Variants in UNC13C observed in about 807,000 individuals in gnomAD.
The protein encoded by UNC13C is unc-13 homolog C, also known as protein unc-13 homolog C.
UNC13C carries 174 observed loss-of-function variants against 245.4 expected under a neutral mutation model. That is an observed-to-expected ratio of 0.71 (90% CI 0.63 to 0.80). The LOEUF is 0.80. Among genes scored for constraint, UNC13C ranks in the 30% least tolerant of loss-of-function variants. UNC13C has a pLI of 0.00. For missense variants in UNC13C, 2,829 were observed against 2,602.9 expected, an observed-to-expected ratio of 1.09 and a Z score of -1.89; for synonymous variants, 992 against 895.1, an observed-to-expected ratio of 1.11 and a Z score of -1.93.
the UNC13C span, among the ~76,000 whole-genome samples, chr15:53,924,656 T>C: frequency 6.6e-6 from 1 of 152,206 alleles, no homozygotes; most frequent in Non-Finnish European, 1.5e-5. Flanking sequence ...AAAATTACAG[T>C]GACTTGATAT....
intron 2 of UNC13C, among the ~76,000 whole-genome samples, chr15:54,122,514 T>C (rs1236337815): frequency 6.6e-6 from 1 of 152,050 alleles, no homozygotes; most frequent in Non-Finnish European, 1.5e-5. Flanking sequence ...AACGCATCCA[T>C]TGTATGTGTG....
chr15:54,341,473 T>C (rs1435379184), intron 17 of UNC13C, among the ~76,000 whole-genome samples: 4 of 152,300 alleles, frequency 2.6e-5, no homozygotes, highest in South Asian at 2.1e-4. Flanking sequence ...TTGGGTCCTA[T>C]GTTCAGTACC....
At chr15:53,999,161 T>C (rs1166949576) in intron 1 of UNC13C, among the ~76,000 whole-genome samples, 1 of 151,978 alleles carries the variant, frequency 6.6e-6, no homozygotes. Flanking sequence ...AGAGTTTGTT[T>C]CAAATTAACA....
At chr15:54,202,742 T>A (rs2034562899) in intron 4 of UNC13C, among the ~76,000 whole-genome samples, 1 of 151,970 alleles carries the variant, frequency 6.6e-6, no homozygotes, top group South Asian at 2.1e-4. Context: ...AAAGCCCTTC[T>A]AGACATTAGC....
chr15:54,180,265 C>G (rs2033753923), intron 4 of UNC13C, among the ~76,000 whole-genome samples: 1 of 152,046 alleles, frequency 6.6e-6, no homozygotes, highest in African/African-American at 2.4e-5. Context: ...ATTTTGTTCT[C>G]TATTCCTGGA....
At chr15:54,109,862 A>G (rs979879260) in intron 2 of UNC13C, among the ~76,000 whole-genome samples, 4 of 151,958 alleles carry the variant, frequency 2.6e-5, no homozygotes, top group African/African-American at 9.7e-5. Context: ...CTCTGTGACA[A>G]CCTTTTCTCC....
chr15:53,848,034 G>A, the UNC13C span, among the ~76,000 whole-genome samples: 4 of 152,100 alleles, frequency 2.6e-5, no homozygotes, highest in African/African-American at 9.7e-5. Flanking sequence ...CCCTTATAAT[G>A]TCTGTAGGAT....
intron 16 of UNC13C, among the ~76,000 whole-genome samples, chr15:54,337,198 T>G (rs2038602767): frequency 6.6e-6 from 1 of 152,222 alleles, no homozygotes; most frequent in Non-Finnish European, 1.5e-5. Context: ...CTCATTTGTC[T>G]GTTGTCACAG....
At chr15:54,217,177 T>G (rs141933233) in intron 4 of UNC13C, among the ~76,000 whole-genome samples, 1 of 151,930 alleles carries the variant, frequency 6.6e-6, no homozygotes, top group Non-Finnish European at 1.5e-5. Context: ...ATCAAAGTAG[T>G]GTTTTTCAGA....
intron 19 of UNC13C, among the ~76,000 whole-genome samples, chr15:54,485,393 C>T (rs1394093059): frequency 2.6e-5 from 4 of 152,168 alleles, no homozygotes; most frequent in African/African-American, 9.7e-5. Context: ...AGAGGTAAGG[C>T]TATGTAGTGG....
intron 2 of UNC13C, among the ~76,000 whole-genome samples, chr15:54,024,232 G>A (rs1437769944): frequency 6.6e-6 from 1 of 152,104 alleles, no homozygotes; most frequent in Non-Finnish European, 1.5e-5. Context: ...AAAGCATTTA[G>A]GACTCTAACT....
chr15:54,576,466 C>A (rs1596600303), intron 30 of UNC13C, among the ~76,000 whole-genome samples: 1 of 152,144 alleles, frequency 6.6e-6, no homozygotes, highest in African/African-American at 2.4e-5. Flanking sequence ...GGCAATAAAT[C>A]CCCGCCGCAA....
chr15:54,312,450 G>T (rs934561161), intron 13 of UNC13C, among the ~76,000 whole-genome samples: 18 of 151,714 alleles, frequency 1.2e-4, no homozygotes, highest in African/African-American at 4.1e-4. Context: ...CTATTGGTGA[G>T]TTTTCTAAGT....
At chr15:54,184,613 CT>C (rs2033911845) in intron 4 of UNC13C, among the ~76,000 whole-genome samples, 1 of 152,158 alleles carries the variant, frequency 6.6e-6, no homozygotes, top group African/African-American at 2.4e-5. Context: ...TTTTTTATGG[CT>C]GCATAGTATT....
intron 24 of UNC13C, 121 bp from the exon 25 acceptor site, chr15:54,525,426 AAG>A: frequency 2.9e-5 from 17 of 579,828 alleles, no homozygotes; most frequent in African/African-American, 1.2e-4. Flanking sequence ...AAAAAAAAAA[AAG>A]AAGAGAAAAA....
At chr15:53,886,815 C>G in the UNC13C span, among the ~76,000 whole-genome samples, 3 of 152,144 alleles carry the variant, frequency 2.0e-5, no homozygotes, top group Admixed American at 6.6e-5. Flanking sequence ...ATGAAATTGA[C>G]ACTTTACCTC....
intron 24 of UNC13C, among the ~76,000 whole-genome samples, chr15:54,515,120 C>T (rs963393535): frequency 3.3e-5 from 5 of 152,028 alleles, no homozygotes; most frequent in Non-Finnish European, 5.9e-5. Flanking sequence ...GAAAAACTAA[C>T]CTTTAGGAAT....
chr15:54,397,307 G>A (rs770458980), intron 18 of UNC13C, among the ~76,000 whole-genome samples: 2 of 151,230 alleles, frequency 1.3e-5, no homozygotes, highest in South Asian at 4.2e-4. Context: ...AATTGCTTTG[G>A]CATCTTGGAG....
chr15:54,298,181 A>G lies in UNC13C; in HGVS notation c.4104+255A>G, dbSNP rs551386296. On this transcript the variant is annotated intron_variant, in intron 12 of 32. Transcript: ENST00000260323. ...TGAATAGGCAATAAGATGATAATGC[A>G]TAAGTAGATACAAAAAAATTAATGT... 4.7e-4 allele frequency among the ~76,000 whole-genome samples: 71 copies of G among 152,346 alleles called. 1 individual carries two copies. The highest frequency in any genetic ancestry group is 1.5e-3 in the African/African-American group (62 of 41,580).
Sources: gnomAD v4.1 joint callset for allele counts (sites outside exome capture counted in the v4.1 genomes callset) on GRCh38, gnomAD v4.1.1 for gene constraint, MANE v1.5 for transcripts, NCBI Gene and HGNC (gene_info 2026-07-23, HGNC 2026-07-21) for gene names.